TOMM40: variants seen among roughly 807,000 people sequenced by gnomAD.
TOMM40 encodes translocase of outer mitochondrial membrane 40.
In TOMM40, 9 loss-of-function variants were observed where a neutral mutation model predicts 38.4. The ratio of observed to expected loss-of-function variants is 0.23; its 90% CI spans 0.14 to 0.41. The LOEUF (loss-of-function observed/expected upper bound fraction) is 0.41, where lower values mean the gene tolerates loss of function less well. Ranked by LOEUF, TOMM40 falls within the 10% of genes least tolerant of loss-of-function variation. The pLI is 1.00. For synonymous variants in TOMM40, 184 were observed against 210.0 expected (o/e 0.88, Z 1.07); for missense variants, 299 against 486.5 (o/e 0.61, Z 3.63).
chr19:44,899,618 A>AT (rs139644294), intron 5 of TOMM40, among the ~76,000 whole-genome samples: 4,586 of 143,506 alleles, frequency 0.032, 214 homozygotes, highest in African/African-American at 0.1. Context: ...CCTGGCCTTG[A>AT]TTTTTTTTTT....
intron 3 of TOMM40, 23 bp from the exon 4 acceptor site, chr19:44,893,757 C>T (rs916636732): frequency 3.1e-6 from 5 of 1,607,124 alleles, no homozygotes; most frequent in Non-Finnish European, 4.3e-6. Flanking sequence ...CCTCTGACCC[C>T]TTCCGTTCTC....
chr19:44,900,862 G>A lies in TOMM40; in HGVS notation c.766+10G>A. The A allele has an allele frequency of 1.2e-6, 2 of 1,613,558 alleles. No individual in the cohort carries two copies. Among genetic ancestry groups the A allele is most frequent in the Non-Finnish European group, 1.7e-6 (2 of 1,179,714 alleles). On this transcript the variant is annotated intron_variant, in intron 6 of 8. Coordinates refer to ENST00000426677, the MANE Select transcript of TOMM40 (RefSeq NM_001128917.2). ...GCTGGGAAATACACATGTGAGCCTG[G>A]CGCCTGGGTCCGAGGGTGGAGGGGC... is the stretch of plus-strand genomic sequence containing the variant.
chr19:44,896,962 C>T (rs954217444), intron 5 of TOMM40, among the ~76,000 whole-genome samples: 4 of 152,218 alleles, frequency 2.6e-5, no homozygotes, highest in African/African-American at 9.7e-5. Context: ...GCTGAGCTGG[C>T]AGGGCACATG....
Position 44,891,270 on chromosome 19 carries a change from A to ACGGGGTGGGAGCGGAGCC in TOMM40, c.-144_-127dup, listed in dbSNP as rs1164014798. ...CAGCGGGTTCGGTTGCGCGTGGCGC[A>ACGGGGTGGGAGCGGAGCC]CGGGGTGGGAGCGGAGCCCAGGCCG... On this transcript the variant is annotated 5_prime_UTR_variant, in exon 1 of 9. Transcript: ENST00000426677. 1.6e-5 allele frequency: 18 copies of ACGGGGTGGGAGCGGAGCC among 1,134,798 alleles called. No homozygotes were observed. In the East Asian group the frequency reaches 5.7e-4, roughly 36 times the overall value. The allele number at this position is 1,134,798 out of a possible 1,614,324, so 70.3% of individuals were successfully genotyped here. A position where few individuals can be genotyped will look rare whatever the true frequency, so the allele number is the denominator to read the frequency against.
chr19:44,898,531 T>TC (rs1395439691), intron 5 of TOMM40, among the ~76,000 whole-genome samples: 3 of 146,304 alleles, frequency 2.1e-5, no homozygotes, highest in Middle Eastern at 3.4e-3. Flanking sequence ...TTTTCTTTTT[T>TC]TTTTTTTTTT....
chr19:44,895,746 C>T (rs1177986443), intron 5 of TOMM40, among the ~76,000 whole-genome samples: 1 of 152,074 alleles, frequency 6.6e-6, no homozygotes, highest in Non-Finnish European at 1.5e-5. Context: ...AGGTTTTCGC[C>T]ATGTCGGCCA....
chr19:44,900,964 T>G, intron 6 of TOMM40, 64 bp from the exon 7 acceptor site: 1 of 1,611,284 alleles, frequency 6.2e-7, no homozygotes, highest in Non-Finnish European at 8.5e-7. Context: ...GGAGGAGGCC[T>G]GGGTTCCCAG....
At chr19:44,892,954 A>C (rs1280714320) in intron 3 of TOMM40, 25 bp downstream of exon 3, 1 of 1,587,346 alleles carries the variant, frequency 6.3e-7, no homozygotes, top group African/African-American at 1.3e-5. Context: ...TCATCCATTC[A>C]TTGTATCCTT....
Position 44,894,044 on chromosome 19 carries a change from C to T in TOMM40, c.621C>T (p.Asn207=), listed in dbSNP as rs201031427. The T allele has an allele frequency of 2.1e-4, 316 of 1,520,718 alleles. 1 individual carries two copies. In the East Asian group the frequency reaches 7.1e-3, roughly 34 times the overall value. 94.2% of individuals were successfully genotyped at this position (1,520,718 alleles called of 1,614,324 possible). A position where few individuals can be genotyped will look rare whatever the true frequency, so the allele number is the denominator to read the frequency against. Reference sequence around the variant, plus strand: ...TCACAGCAGCCGTCACCCTGGGGAACCCAGACGTCCTCGTGGGTTCAGGTA... The same window carrying T: ...TCACAGCAGCCGTCACCCTGGGGAATCCAGACGTCCTCGTGGGTTCAGGTA... ...SDFTAAVTLG[N]PDVLVGSGIL... Residue 207 remains asparagine (N), a synonymous_variant, in exon 5 of 9, where the codon AAC becomes AAT. Coordinates refer to ENST00000426677, the MANE Select transcript of TOMM40 (RefSeq NM_001128917.2).
chr19:44,901,418 G>A, intron 8 of TOMM40, 108 bp downstream of exon 8: 2 of 1,517,556 alleles, frequency 1.3e-6, no homozygotes, highest in Non-Finnish European at 8.9e-7. Context: ...GCCACCCTGT[G>A]GGCCTCCACA....
At position 44,903,276 on chromosome 19, in the gene TOMM40, G is replaced by A. The variant is rs1969718174; in HGVS notation, c.*107G>A. ...CCCCCCTCCCTTCCCTCCCCCCTTG[G>A]GGGTCGGGGGGGACATTGGAAAGGA... On this transcript the variant is annotated 3_prime_UTR_variant, in exon 9 of 9. Coordinates refer to ENST00000426677, the MANE Select transcript of TOMM40 (RefSeq NM_001128917.2). 8.2e-7 allele frequency: 1 copy of A among 1,215,212 alleles called. No individual in the cohort carries two copies. Among genetic ancestry groups the A allele is most frequent in the Non-Finnish European group, 1.1e-6 (1 of 908,684 alleles). The allele number at this position is 1,215,212 out of a possible 1,614,324, so 75.3% of individuals were successfully genotyped here.
chr19:44,902,380 A>T (rs897177940), intron 8 of TOMM40: 4 of 152,240 alleles, frequency 2.6e-5, no homozygotes, highest in African/African-American at 9.6e-5. Flanking sequence ...TTTTTTTGAT[A>T]GTTTTGGGAG....
intron 5 of TOMM40, among the ~76,000 whole-genome samples, chr19:44,897,335 C>T (rs996881790): frequency 6.6e-6 from 1 of 152,156 alleles, no homozygotes; most frequent in African/African-American, 2.4e-5. Context: ...TTCTAAGTCA[C>T]TCACTCTAGA....
rs971201245 is a variant in TOMM40 at position 44,903,496 on chromosome 19, C to T, written c.*327C>T. On this transcript the variant is annotated 3_prime_UTR_variant, in exon 9 of 9. Coordinates refer to ENST00000426677, the MANE Select transcript of TOMM40 (RefSeq NM_001128917.2). ...CTCAGGGAGGAGTGTCCTGGCGTCCCCATCCTCCAAAGGGCCTGGGCCCGC... is the reference window on the plus strand; with the variant it reads ...CTCAGGGAGGAGTGTCCTGGCGTCCTCATCCTCCAAAGGGCCTGGGCCCGC... 1 of 266,838 alleles carries T rather than the reference C, an allele frequency of 3.7e-6. No homozygotes were observed. The highest frequency in any genetic ancestry group is 7.2e-6 in the Non-Finnish European group (1 of 139,026). The allele number at this position is 266,838 out of a possible 1,614,324, so 16.5% of individuals were successfully genotyped here.
In TOMM40 at chr19:44,901,332, C is replaced by T. The variant is rs201261018; in HGVS notation, c.946+22C>T. On this transcript the variant is annotated intron_variant, in intron 8 of 8. Coordinates refer to ENST00000426677, the MANE Select transcript of TOMM40 (RefSeq NM_001128917.2). ...AAAGGTAAAGGTCTCGGTTCCCCTACGCGGGAAACAGGCAGGAGGTGACTC... is the reference window on the plus strand; with the variant it reads ...AAAGGTAAAGGTCTCGGTTCCCCTATGCGGGAAACAGGCAGGAGGTGACTC... The T allele has an allele frequency of 8.0e-5, 128 of 1,607,168 alleles. No homozygotes were observed. In the East Asian group the frequency reaches 2.6e-3, roughly 33 times the overall value.
Position 44,903,541 on chromosome 19 carries a change from G to C in TOMM40, c.*372G>C, listed in dbSNP as rs10418135. ...GCCCGCCCCGAGGGGGCAGCGAGAG[G>C]AGCTTCCCCATCCCCGGTCAGTCCA... On this transcript the variant is annotated 3_prime_UTR_variant, in exon 9 of 9. Transcript: ENST00000426677. The C allele has an allele frequency of 0.03, 6,200 of 204,748 alleles. 404 individuals carry two copies. Among genetic ancestry groups the C allele is most frequent in the African/African-American group, 0.14 (5,859 of 42,522 alleles). 12.7% of individuals were successfully genotyped at this position (204,748 alleles called of 1,614,324 possible). A position where few individuals can be genotyped will look rare whatever the true frequency, so the allele number is the denominator to read the frequency against.
At chr19:44,892,536 A>G in intron 2 of TOMM40, 76 bp downstream of exon 2, 1 of 1,363,238 alleles carries the variant, frequency 7.3e-7, no homozygotes, top group South Asian at 1.2e-5. Flanking sequence ...CACTCGGCCC[A>G]ATTACTCCTC....
Position 44,893,842 on chromosome 19 carries a change from C to A in TOMM40, c.498C>A (p.His166Gln). The A allele has an allele frequency of 6.2e-7, 1 of 1,612,346 alleles. No homozygotes were observed. The highest frequency in any genetic ancestry group is 8.5e-7 in the Non-Finnish European group (1 of 1,180,028). The stretch of plus-strand genomic sequence containing the variant: ...GCAGTCTCAACGCTCAGGTCATTCA[C>A]CAGCTGGGCCCCGGTCTCAGGTCCA... ...NSGSLNAQVI[H>Q]QLGPGLRSKM... is the part of the protein sequence containing the mutation. The change falls in exon 4 of 9, where the codon CAC (histidine) becomes CAA (glutamine). Residue 166 changes from histidine to glutamine, a missense_variant. By Grantham distance (24) the His-to-Gln change is conservative. Transcript: ENST00000426677.
At chr19:44,892,577 A>G (rs1969487981) in intron 2 of TOMM40, 117 bp downstream of exon 2, 3 of 1,011,038 alleles carry the variant, frequency 3.0e-6, no homozygotes, top group Non-Finnish European at 4.6e-6. Flanking sequence ...GATACTTGAA[A>G]AGACTCGGAG....
Sources: allele counts gnomAD v4.1 joint callset (sites outside exome capture counted in the v4.1 genomes callset), GRCh38; gene constraint gnomAD v4.1.1; transcripts MANE v1.5; gene names NCBI Gene and HGNC (gene_info 2026-07-23, HGNC 2026-07-21).